The following USP53 variants were observed in gnomAD, a reference collection of about 807,000 sequenced individuals.
USP53 encodes ubiquitin carboxyl-terminal hydrolase 53.
USP53 carries 71 observed loss-of-function variants against 94.9 expected under a neutral mutation model. That is an observed-to-expected ratio of 0.75 (90% CI 0.62 to 0.91). The LOEUF (loss-of-function observed/expected upper bound fraction) is 0.91. Among genes scored for constraint, USP53 ranks in the 40% least tolerant of loss-of-function variants. The pLI, the probability that USP53 is intolerant of heterozygous loss-of-function variation, is 0.00. For synonymous variants in USP53, 375 were observed against 422.7 expected, an observed-to-expected ratio of 0.89 and a Z score of 1.39; for missense variants, 1,173 against 1,281.0, an observed-to-expected ratio of 0.92 and a Z score of 1.29.
At chr4:119,232,488 A>G (rs1746197110) in intron 3 of USP53, among the ~76,000 whole-genome samples, 1 of 152,202 alleles carries the variant, frequency 6.6e-6, no homozygotes, top group South Asian at 2.1e-4. Flanking sequence ...ATGGCTGAAT[A>G]GTATTCCACT....
At chr4:119,251,451 C>A (rs1748990975) in intron 7 of USP53, among the ~76,000 whole-genome samples, 1 of 152,128 alleles carries the variant, frequency 6.6e-6, no homozygotes, top group Non-Finnish European at 1.5e-5. Flanking sequence ...AATGGTATTT[C>A]CAGTTCTAGG....
At chr4:119,250,917 TAATTA>T (rs1748897715) in intron 7 of USP53, among the ~76,000 whole-genome samples, 1 of 151,358 alleles carries the variant, frequency 6.6e-6, no homozygotes, top group Non-Finnish European at 1.5e-5. Flanking sequence ...TTTTTTTTTT[TAATTA>T]TACTTTAAGT....
At position 119,271,498 on chromosome 4, in the gene USP53, A is replaced by T; in HGVS notation, c.1638A>T (p.Ile546=). ...AGATTCTTGCTCCAGGAGAGAAAAT[A>T]ACTGGCAAAGTTAAGAGTGACAATG... ...KSQILAPGEK[I]TGKVKSDNGT... The change falls in exon 16 of 19, where the codon ATA becomes ATT. Residue 546 remains isoleucine, a synonymous_variant. Coordinates refer to ENST00000692078, the MANE Select transcript of USP53 (RefSeq NM_001371395.1). 1 of 1,613,480 alleles carries T rather than the reference A, an allele frequency of 6.2e-7. No individual in the cohort carries two copies.
intron 3 of USP53, chr4:119,221,271 A>G (rs1488988828): frequency 1.3e-5 from 2 of 152,112 alleles, no homozygotes. Context: ...GTATTACATT[A>G]GAATTAGTAT....
At chr4:119,234,095 CTGTT>C (rs1746418366) in intron 3 of USP53, among the ~76,000 whole-genome samples, 1 of 152,200 alleles carries the variant, frequency 6.6e-6, no homozygotes, top group African/African-American at 2.4e-5. Flanking sequence ...ATTTCCCAAA[CTGTT>C]TGTGCTCTGG....
intron 3 of USP53, among the ~76,000 whole-genome samples, chr4:119,229,105 C>T (rs567753513): frequency 6.6e-6 from 1 of 152,260 alleles, no homozygotes; most frequent in African/African-American, 2.4e-5. Flanking sequence ...GCAACATCAG[C>T]TCTAGACCTC....
chr4:119,291,864 T>C (rs1428827562), intron 18 of USP53, among the ~76,000 whole-genome samples: 1 of 152,026 alleles, frequency 6.6e-6, no homozygotes, highest in African/African-American at 2.4e-5. Context: ...AATATAAATA[T>C]ATTTGCAAAA....
At chr4:119,259,982 G>A (rs1310071796) in intron 10 of USP53, 57 bp downstream of exon 10, 1 of 1,284,204 alleles carries the variant, frequency 7.8e-7, no homozygotes, top group East Asian at 2.5e-5. Context: ...TTGAAAATAG[G>A]CATTCAGATA....
At chr4:119,225,692 T>C (rs1320573702) in intron 3 of USP53, among the ~76,000 whole-genome samples, 1 of 151,972 alleles carries the variant, frequency 6.6e-6, no homozygotes, top group Non-Finnish European at 1.5e-5. Flanking sequence ...TGAGCTGAGA[T>C]TGCGCCACTG....
intron 3 of USP53, among the ~76,000 whole-genome samples, chr4:119,227,828 A>G (rs549038606): frequency 7.9e-5 from 12 of 152,320 alleles, no homozygotes; most frequent in African/African-American, 2.9e-4. Context: ...CAAAATGGAA[A>G]CAACTGCAAT....
At chr4:119,250,455 C>G (rs902535688) in intron 7 of USP53, among the ~76,000 whole-genome samples, 2 of 152,224 alleles carry the variant, frequency 1.3e-5, no homozygotes, top group Admixed American at 1.3e-4. Context: ...GCCTAGCACA[C>G]TTGCATGTTG....
At chr4:119,256,138 A>G (rs910424996) in intron 7 of USP53, 108 bp from the exon 8 acceptor site, 4 of 738,572 alleles carry the variant, frequency 5.4e-6, no homozygotes, top group Admixed American at 2.9e-5. Flanking sequence ...AACAATATGT[A>G]TGACACTCTT....
At chr4:119,259,281 A>T (rs1187653250) in intron 9 of USP53, among the ~76,000 whole-genome samples, 5 of 16,394 alleles carry the variant, frequency 3.0e-4, no homozygotes, top group Admixed American at 6.5e-4. Context: ...ACCCCATCTC[A>T]AAAAAAAAAA....
At chr4:119,226,938 A>G (rs184797574) in intron 3 of USP53, among the ~76,000 whole-genome samples, 222 of 152,196 alleles carry the variant, frequency 1.5e-3, no homozygotes, top group African/African-American at 5.2e-3. Context: ...GGCTCACTCG[A>G]TCCTCCCACC....
Position 119,293,158 on chromosome 4 carries a change from C to A in USP53, c.3169C>A (p.Pro1057Thr). Residue 1057 changes from proline (P) to threonine (T), a missense_variant, in exon 19 of 19, where the codon CCC becomes ACC. Physicochemically the swap from Pro to Thr is conservative, Grantham distance 38. Coordinates refer to ENST00000692078, the MANE Select transcript of USP53 (RefSeq NM_001371395.1). ...ATATAGATTGAAATACCATCAGAGG[C>A]CCAAGCTCTCTTTTCCAGAGAGCAG... ...DTYRLKYHQR[P>T]KLSFPESSGF... 1 of 1,612,040 alleles carries A rather than the reference C, an allele frequency of 6.2e-7. No individual in the cohort carries two copies. Among genetic ancestry groups the A allele is most frequent in the Non-Finnish European group, 8.5e-7 (1 of 1,179,720 alleles).
intron 17 of USP53, among the ~76,000 whole-genome samples, chr4:119,285,798 T>C (rs1754036999): frequency 6.6e-6 from 1 of 151,904 alleles, no homozygotes; most frequent in South Asian, 2.1e-4. Flanking sequence ...ATTTTAAACA[T>C]TTTTTCTCTA....
chr4:119,276,495 T>G (rs1166764489), intron 17 of USP53, among the ~76,000 whole-genome samples: 16 of 151,964 alleles, frequency 1.1e-4, no homozygotes, highest in Non-Finnish European at 2.2e-4. Context: ...GCTGGATTTG[T>G]TTTGCCAGTA....
chr4:119,227,943 G>GT (rs369512706), intron 3 of USP53, among the ~76,000 whole-genome samples: 13 of 152,324 alleles, frequency 8.5e-5, no homozygotes, highest in African/African-American at 3.1e-4. Flanking sequence ...AAACTCAAAA[G>GT]TATGAGTCCA....
chr4:119,283,308 G>T (rs1013995886), intron 17 of USP53, among the ~76,000 whole-genome samples: 1 of 151,936 alleles, frequency 6.6e-6, no homozygotes. Flanking sequence ...CAAGTAGTTT[G>T]GTATATGCAG....
Sources: gnomAD v4.1 joint callset for allele counts (sites outside exome capture counted in the v4.1 genomes callset) on GRCh38, gnomAD v4.1.1 for gene constraint, MANE v1.5 for transcripts, NCBI Gene and HGNC (gene_info 2026-07-23, HGNC 2026-07-21) for gene names.